Variants in TTC7A observed in about 807,000 individuals in gnomAD.
TTC7A encodes the protein tetratricopeptide repeat protein 7A.
Under a neutral mutation model 103.7 loss-of-function variants are expected in TTC7A, and 110 were observed. The ratio of observed to expected loss-of-function variants is 1.06; its 90% CI spans 0.91 to 1.24. TTC7A has a LOEUF of 1.24. Ranked by LOEUF, TTC7A falls within the 50% of genes most tolerant of loss-of-function variation. The pLI is 0.00. For missense variants in TTC7A, 1,340 were observed against 1,116.3 expected, an observed-to-expected ratio of 1.20 and a Z score of -2.86; for synonymous variants, 521 against 467.9, an observed-to-expected ratio of 1.11 and a Z score of -1.47.
intron 15 of TTC7A, among the ~76,000 whole-genome samples, chr2:47,038,626 A>T (rs1268433268): frequency 8.0e-6 from 1 of 125,132 alleles, no homozygotes; most frequent in Non-Finnish European, 1.7e-5. Flanking sequence ...ACCTGCTGCC[A>T]CTTCCCACCC....
At position 46,978,947 on chromosome 2, in the gene TTC7A, C is replaced by T. The variant is rs776283169; in HGVS notation, c.764+40C>T. Reference sequence around the variant, plus strand: ...GTTGAGTGAGTGGGAGAACGATTCCCCTGGGCTGAGGCTTTTGACGTGGCC... The same window carrying T: ...GTTGAGTGAGTGGGAGAACGATTCCTCTGGGCTGAGGCTTTTGACGTGGCC... On this transcript the variant is annotated intron_variant, in intron 5 of 19. Transcript: ENST00000319190. 4 of 1,473,482 alleles carry T rather than the reference C, an allele frequency of 2.7e-6. No homozygotes were observed. The South Asian group carries it at 3.4e-5, about 13-fold the overall frequency. 91.3% of individuals were successfully genotyped at this position (1,473,482 alleles called of 1,614,324 possible). A position where few individuals can be genotyped will look rare whatever the true frequency, so the allele number is the denominator to read the frequency against.
At chr2:47,011,244 C>T (rs61155978) in intron 10 of TTC7A, 87 bp from the exon 11 acceptor site, 39 of 1,258,010 alleles carry the variant, frequency 3.1e-5, no homozygotes, top group Non-Finnish European at 4.3e-5. Context: ...CAGAGCAAGG[C>T]TTGGTTGTTT....
intron 2 of TTC7A, among the ~76,000 whole-genome samples, chr2:46,955,815 A>G (rs1328621224): frequency 6.6e-6 from 1 of 152,170 alleles, no homozygotes; most frequent in Non-Finnish European, 1.5e-5. Flanking sequence ...GCCAGTGACA[A>G]ATGCCAGGTG....
chr2:46,987,809 C>CATGT (rs1675176055), intron 5 of TTC7A, among the ~76,000 whole-genome samples: 1 of 144,550 alleles, frequency 6.9e-6, no homozygotes, highest in Non-Finnish European at 1.5e-5. Flanking sequence ...CCTTTCCGCG[C>CATGT]GTGTGTGTGT....
chr2:47,046,210 C>A, intron 15 of TTC7A, 105 bp from the exon 16 acceptor site: 1 of 820,456 alleles, frequency 1.2e-6, no homozygotes, highest in Non-Finnish European at 2.1e-6. Flanking sequence ...CTGCTTTCTG[C>A]GAGTTAGGGA....
At chr2:47,024,441 C>A (rs1679662238) in intron 14 of TTC7A, 82 bp downstream of exon 14, 4 of 1,315,604 alleles carry the variant, frequency 3.0e-6, no homozygotes, top group Middle Eastern at 1.8e-4. Context: ...AGCTGTGTGA[C>A]CCTCTGCAAG....
chr2:47,029,420 CT>C, intron 15 of TTC7A, 36 bp downstream of exon 15: 1 of 1,610,018 alleles, frequency 6.2e-7, no homozygotes, highest in Non-Finnish European at 8.5e-7. Flanking sequence ...AGTGGGGGAG[CT>C]GGCTGGCCTC....
At chr2:47,015,296 G>A (rs1287452108) in intron 11 of TTC7A, among the ~76,000 whole-genome samples, 1 of 152,224 alleles carries the variant, frequency 6.6e-6, no homozygotes, top group East Asian at 1.9e-4. Flanking sequence ...TTAAAAAGTT[G>A]AAACCTTTAC....
chr2:47,043,911 C>G (rs1313917601), intron 15 of TTC7A, among the ~76,000 whole-genome samples: 2 of 152,226 alleles, frequency 1.3e-5, no homozygotes, highest in African/African-American at 4.8e-5. Flanking sequence ...CGGGTCTGCC[C>G]TAGACCCATT....
At chr2:46,974,874 G>A (rs1356971787) in intron 3 of TTC7A, 99 bp from the exon 4 acceptor site, 4 of 1,515,158 alleles carry the variant, frequency 2.6e-6, no homozygotes, top group African/African-American at 1.4e-5. Context: ...GCACCAGAGT[G>A]TCTGCCCCCT....
chr2:46,989,820 C>CTCTG (rs1553381268), intron 5 of TTC7A, among the ~76,000 whole-genome samples: 1 of 137,468 alleles, frequency 7.3e-6, no homozygotes, highest in African/African-American at 2.6e-5. Context: ...GTGTGTGCAT[C>CTCTG]TGTGTGTGTG....
intron 8 of TTC7A, among the ~76,000 whole-genome samples, chr2:47,005,604 G>A (rs908038144): frequency 3.3e-5 from 5 of 152,050 alleles, no homozygotes; most frequent in African/African-American, 9.7e-5. Flanking sequence ...ATTGAGGAAG[G>A]GTTTTCGGTT....
Position 47,050,322 on chromosome 2 carries a change from G to A in TTC7A, c.2017+276G>A, listed in dbSNP as rs978104097. 19 of 484,320 alleles carry A rather than the reference G, an allele frequency of 3.9e-5. No homozygotes were observed. In the East Asian group the frequency reaches 6.4e-4, roughly 16 times the overall value. The allele number at this position is 484,320 out of a possible 1,614,324, so 30.0% of individuals were successfully genotyped here. ...GCTGAAAAGGTGGCTGTGGAGCACA[G>A]AAACCGTTTCCCCTTAGGCTCAAGC... On this transcript the variant is annotated intron_variant, in intron 17 of 19. Transcript: ENST00000319190.
chr2:46,953,118 T>G (rs1349184907), intron 2 of TTC7A, among the ~76,000 whole-genome samples: 2 of 152,278 alleles, frequency 1.3e-5, no homozygotes, highest in East Asian at 3.9e-4. Flanking sequence ...AGCCAAAAAC[T>G]TAATGATGAT....
intron 15 of TTC7A, among the ~76,000 whole-genome samples, chr2:47,041,288 A>G (rs1206672959): frequency 3.3e-5 from 5 of 152,210 alleles, no homozygotes; most frequent in Admixed American, 6.5e-5. Flanking sequence ...CTAGGCAGAT[A>G]CTGTGTGCTC....
intron 15 of TTC7A, among the ~76,000 whole-genome samples, chr2:47,042,827 T>C (rs1681906938): frequency 1.3e-5 from 2 of 152,332 alleles, no homozygotes; most frequent in South Asian, 4.1e-4. Flanking sequence ...AATAGTTTTT[T>C]TAGTCTCAGA....
At chr2:46,964,960 G>A (rs1049652861) in intron 3 of TTC7A, among the ~76,000 whole-genome samples, 5 of 152,278 alleles carry the variant, frequency 3.3e-5, no homozygotes, top group Middle Eastern at 3.4e-3. Context: ...CAGCCTGGCC[G>A]GCTCGCGTTC....
At chr2:47,011,920 T>G (rs1354474637) in intron 11 of TTC7A, among the ~76,000 whole-genome samples, 1 of 152,240 alleles carries the variant, frequency 6.6e-6, no homozygotes, top group Non-Finnish European at 1.5e-5. Context: ...GGCCCTGCCC[T>G]GTGCTCCGCT....
At chr2:46,933,169 C>G (rs1331756450) in intron 2 of TTC7A, among the ~76,000 whole-genome samples, 1 of 152,148 alleles carries the variant, frequency 6.6e-6, no homozygotes, top group Admixed American at 6.5e-5. Context: ...TTGTAGCAGT[C>G]TTGCAAAATG....
Sources: gnomAD v4.1 joint callset for allele counts (sites outside exome capture counted in the v4.1 genomes callset) on GRCh38, gnomAD v4.1.1 for gene constraint, MANE v1.5 for transcripts, NCBI Gene and HGNC (gene_info 2026-07-23, HGNC 2026-07-21) for gene names.